The following GBE1 variants were observed in gnomAD, a reference collection of about 807,000 sequenced individuals.
GBE1 encodes the protein 1,4-alpha-glucan-branching enzyme.
GBE1 carries 70 observed loss-of-function variants against 88.8 expected under a neutral mutation model. The ratio of observed to expected loss-of-function variants is 0.79; its 90% CI spans 0.65 to 0.96. The LOEUF (loss-of-function observed/expected upper bound fraction) is 0.96, where lower values mean the gene tolerates loss of function less well. GBE1 is among the 40% of genes least tolerant of loss of function. The probability of loss-of-function intolerance (pLI) is 0.00; values close to 1 mark genes in which losing one functional copy is unlikely to be tolerated. For missense variants in GBE1, 872 were observed against 871.0 expected (o/e 1.00, Z -0.01); for synonymous variants, 284 against 300.1 (o/e 0.95, Z 0.56).
At chr3:81,715,882 T>C (rs1450832161) in intron 1 of GBE1, among the ~76,000 whole-genome samples, 3 of 152,152 alleles carry the variant, frequency 2.0e-5, no homozygotes, top group Non-Finnish European at 2.9e-5. Flanking sequence ...TAGTTGTAAA[T>C]TATTAACTAC....
At chr3:81,523,789 T>G (rs926603437) in intron 14 of GBE1, among the ~76,000 whole-genome samples, 8 of 151,746 alleles carry the variant, frequency 5.3e-5, no homozygotes, top group African/African-American at 1.9e-4. Flanking sequence ...CTGAACATAA[T>G]GACCTCCAGT....
At chr3:81,658,239 G>A (rs1359950910) in intron 3 of GBE1, among the ~76,000 whole-genome samples, 2 of 151,874 alleles carry the variant, frequency 1.3e-5, no homozygotes, top group African/African-American at 2.4e-5. Context: ...CTTCATTAAA[G>A]GAAAAGACTG....
intron 9 of GBE1, among the ~76,000 whole-genome samples, 180 bp downstream of exon 9, chr3:81,590,857 A>T (rs764695853): frequency 6.6e-6 from 1 of 152,096 alleles, no homozygotes; most frequent in Non-Finnish European, 1.5e-5. Context: ...TTATCTTCTA[A>T]TAGGGAAACA....
At chr3:81,606,588 C>T (rs1704105032) in intron 7 of GBE1, among the ~76,000 whole-genome samples, 1 of 152,206 alleles carries the variant, frequency 6.6e-6, no homozygotes, top group South Asian at 2.1e-4. Flanking sequence ...GCTATAGTGC[C>T]CTTTTTTCTG....
At chr3:81,565,927 C>A (rs1278125795) in intron 12 of GBE1, among the ~76,000 whole-genome samples, 1 of 151,980 alleles carries the variant, frequency 6.6e-6, no homozygotes, top group Admixed American at 6.6e-5. Flanking sequence ...TATATACAAA[C>A]AATATAAGAA....
chr3:81,712,580 T>C (rs896600707), intron 1 of GBE1, among the ~76,000 whole-genome samples: 4 of 148,252 alleles, frequency 2.7e-5, no homozygotes, highest in Non-Finnish European at 5.9e-5. Flanking sequence ...TTCTCACTCA[T>C]AGGTGGGAAT....
At chr3:81,593,498 T>C (rs1703909351) in intron 8 of GBE1, among the ~76,000 whole-genome samples, 2 of 151,652 alleles carry the variant, frequency 1.3e-5, no homozygotes, top group South Asian at 4.1e-4. Context: ...TAATTTCAAA[T>C]TAATTTATAA....
chr3:81,591,019 A>G lies in GBE1; in HGVS notation c.1236+18T>C, dbSNP rs747770396. On this transcript the variant is annotated intron_variant, in intron 9 of 15. Coordinates refer to ENST00000429644, the MANE Select transcript of GBE1 (RefSeq NM_000158.4). ...CTATTAAAGGGGGTCAGAAGGTAAG[A>G]CTTCACTATGGCTTTACCTCAGCTA... The G allele has an allele frequency of 1.9e-6, 3 of 1,599,788 alleles. No individual in the cohort carries two copies. The Admixed American group carries it at 5.1e-5, about 27-fold the overall frequency.
intron 14 of GBE1, among the ~76,000 whole-genome samples, chr3:81,511,964 A>G (rs572258547): frequency 6.6e-6 from 1 of 152,096 alleles, no homozygotes; most frequent in South Asian, 2.1e-4. Flanking sequence ...TGAATGGTGG[A>G]TTGGATAAAG....
intron 7 of GBE1, among the ~76,000 whole-genome samples, chr3:81,606,274 T>C (rs558452845): frequency 6.6e-6 from 1 of 152,342 alleles, no homozygotes. Context: ...ATATACTTTT[T>C]AAAGTTCCAT....
chr3:81,490,248 G>C lies in GBE1; in HGVS notation c.*159C>G. On this transcript the variant is annotated 3_prime_UTR_variant, in exon 16 of 16. Transcript: ENST00000429644. The stretch of plus-strand genomic sequence containing the variant: ...TATTCTCCCATCTACTTAAATAAAA[G>C]TTTGCTGTATTTGCATAAACCAATA... 1.6e-6 allele frequency: 1 copy of C among 621,296 alleles called. No homozygotes were observed. The highest frequency in any genetic ancestry group is 2.8e-6 in the Non-Finnish European group (1 of 351,686). 38.5% of individuals were successfully genotyped at this position (621,296 alleles called of 1,614,324 possible). A position where few individuals can be genotyped will look rare whatever the true frequency, so the allele number is the denominator to read the frequency against.
At chr3:81,711,791 C>T (rs1214992200) in intron 1 of GBE1, among the ~76,000 whole-genome samples, 3 of 152,034 alleles carry the variant, frequency 2.0e-5, no homozygotes, top group Non-Finnish European at 2.9e-5. Flanking sequence ...CAACAGAAGC[C>T]GAAATCGACA....
chr3:81,543,860 A>C (rs6800295), intron 12 of GBE1, among the ~76,000 whole-genome samples: 1 of 152,026 alleles, frequency 6.6e-6, no homozygotes, highest in Admixed American at 6.5e-5. Context: ...TTTGAATTTA[A>C]GCAATATGTA....
intron 13 of GBE1, among the ~76,000 whole-genome samples, 181 bp from the exon 14 acceptor site, chr3:81,535,506 A>T (rs1703062979): frequency 1.3e-5 from 2 of 152,032 alleles, no homozygotes; most frequent in Non-Finnish European, 2.9e-5. Flanking sequence ...AACAGTCTCA[A>T]AAATTGTTTA....
At chr3:81,514,979 G>T (rs527648117) in intron 14 of GBE1, among the ~76,000 whole-genome samples, 2 of 151,368 alleles carry the variant, frequency 1.3e-5, no homozygotes, top group Admixed American at 6.6e-5. Context: ...GTATAAAGAT[G>T]ACTAATACAA....
intron 12 of GBE1, among the ~76,000 whole-genome samples, chr3:81,554,324 A>G (rs1703318242): frequency 6.6e-6 from 1 of 152,246 alleles, no homozygotes; most frequent in South Asian, 2.1e-4. Context: ...TAAGGCACCA[A>G]CTGAAAGATT....
chr3:81,608,602 A>G (rs957139734), intron 7 of GBE1, among the ~76,000 whole-genome samples: 2 of 152,150 alleles, frequency 1.3e-5, no homozygotes, highest in African/African-American at 4.8e-5. Flanking sequence ...AATGACCCCC[A>G]AACAATACAT....
chr3:81,675,868 G>C (rs1394488729), intron 2 of GBE1, among the ~76,000 whole-genome samples: 4 of 151,994 alleles, frequency 2.6e-5, no homozygotes, highest in Admixed American at 6.6e-5. Context: ...ACCTGATACA[G>C]TTCTCTGTTT....
At chr3:81,577,457 T>A (rs542697997) in intron 12 of GBE1, among the ~76,000 whole-genome samples, 228 of 152,300 alleles carry the variant, frequency 1.5e-3, no homozygotes, top group African/African-American at 5.3e-3. Context: ...AAAAATAAAT[T>A]TCTTTTTGTC....
Sources: gnomAD v4.1 joint callset for allele counts (sites outside exome capture counted in the v4.1 genomes callset) on GRCh38, gnomAD v4.1.1 for gene constraint, MANE v1.5 for transcripts, NCBI Gene and HGNC (gene_info 2026-07-23, HGNC 2026-07-21) for gene names.